The following GPATCH2 variants were observed in gnomAD, a reference collection of about 807,000 sequenced individuals.
The protein encoded by GPATCH2 is G-patch domain containing 2.
Under a neutral mutation model 58.0 loss-of-function variants are expected in GPATCH2, and 51 were observed. The observed-to-expected ratio is 0.88, with a 90% confidence interval of 0.70 to 1.11. GPATCH2 has a LOEUF of 1.11. Among genes scored for constraint, GPATCH2 ranks in the 50% most tolerant of loss-of-function variants. The pLI is 0.00. For synonymous variants in GPATCH2, 222 were observed against 218.5 expected (o/e 1.02, Z -0.14); for missense variants, 625 against 652.2 (o/e 0.96, Z 0.45).
chr1:217,545,864 A>C (rs557290028), intron 5 of GPATCH2, among the ~76,000 whole-genome samples: 2 of 152,358 alleles, frequency 1.3e-5, no homozygotes, highest in African/African-American at 4.8e-5. Context: ...ATTTGCTGAG[A>C]AAATGGATAA....
chr1:217,494,995 T>C (rs1011143246), intron 7 of GPATCH2: 1 of 234,250 alleles, frequency 4.3e-6, no homozygotes. Context: ...CTTGTGAATA[T>C]GGTGCGAAGT....
intron 1 of GPATCH2, among the ~76,000 whole-genome samples, chr1:217,626,657 T>C (rs542585812): frequency 6.6e-6 from 1 of 152,272 alleles, no homozygotes; most frequent in South Asian, 2.1e-4. Context: ...ATGGGAATAT[T>C]ATTCATCAAA....
chr1:217,615,755 A>G (rs1668855438), intron 2 of GPATCH2, among the ~76,000 whole-genome samples: 1 of 152,194 alleles, frequency 6.6e-6, no homozygotes. Flanking sequence ...TTCTTCAATT[A>G]AATGAATGAA....
At chr1:217,596,299 T>A (rs1667825439) in intron 5 of GPATCH2, among the ~76,000 whole-genome samples, 1 of 152,204 alleles carries the variant, frequency 6.6e-6, no homozygotes, top group African/African-American at 2.4e-5. Flanking sequence ...ATCCAATTTT[T>A]AAAAAATTAA....
At chr1:217,567,885 G>C (rs1405006030) in intron 5 of GPATCH2, among the ~76,000 whole-genome samples, 1 of 152,184 alleles carries the variant, frequency 6.6e-6, no homozygotes, top group Non-Finnish European at 1.5e-5. Flanking sequence ...GGGAGGCCAA[G>C]GTGGGCGGAT....
At position 217,428,827 on chromosome 1, in the gene GPATCH2, T is replaced by C. The variant is rs1658412750; in HGVS notation, c.*2318A>G. On this transcript the variant is annotated 3_prime_UTR_variant, in exon 10 of 10. Transcript: ENST00000366935. Reference sequence around the variant, plus strand: ...TCCCACAGAAGTTGCTTCAGAAGATTTGTACCTGTCCAGAACAGCAACAAT... The same window carrying C: ...TCCCACAGAAGTTGCTTCAGAAGATCTGTACCTGTCCAGAACAGCAACAAT... 1 of 152,180 alleles carries C rather than the reference T, an allele frequency of 6.6e-6. No individual in the cohort carries two copies. Among genetic ancestry groups the C allele is most frequent in the Non-Finnish European group, 1.5e-5 (1 of 68,024 alleles). The allele number at this position is 152,180 out of a possible 1,614,324, so 9.4% of individuals were successfully genotyped here.
intron 9 of GPATCH2, 81 bp from the exon 10 acceptor site, chr1:217,431,446 A>G (rs1214763930): frequency 1.2e-5 from 10 of 856,728 alleles, no homozygotes; most frequent in Non-Finnish European, 2.0e-5. Flanking sequence ...ATGTTCTCCT[A>G]AGTTTTGTTT....
At chr1:217,521,836 G>A (rs1663476554) in intron 5 of GPATCH2, among the ~76,000 whole-genome samples, 3 of 152,086 alleles carry the variant, frequency 2.0e-5, no homozygotes, top group Non-Finnish European at 4.4e-5. Context: ...GAAGTACAAG[G>A]CTTGTCTTTC....
At chr1:217,558,463 C>G (rs141723160) in intron 5 of GPATCH2, among the ~76,000 whole-genome samples, 152 of 152,258 alleles carry the variant, frequency 1.0e-3, no homozygotes, top group African/African-American at 3.4e-3. Context: ...TCTCACAAAG[C>G]CTTTATGTAG....
intron 8 of GPATCH2, among the ~76,000 whole-genome samples, chr1:217,459,212 GCTAAA>G (rs1209116391): frequency 6.6e-6 from 1 of 152,100 alleles, no homozygotes; most frequent in Non-Finnish European, 1.5e-5. Context: ...ATTCTTAGAT[GCTAAA>G]CTAAACAGAA....
chr1:217,485,782 G>T (rs939457016), intron 8 of GPATCH2, among the ~76,000 whole-genome samples: 1 of 152,122 alleles, frequency 6.6e-6, no homozygotes, highest in East Asian at 1.9e-4. Context: ...ATGGTGGTAA[G>T]TATTTGTGTA....
chr1:217,527,478 ATTT>A (rs5780985), intron 5 of GPATCH2, among the ~76,000 whole-genome samples: 19 of 138,882 alleles, frequency 1.4e-4, no homozygotes, highest in Non-Finnish European at 9.4e-5. Flanking sequence ...AATAACATCC[ATTT>A]TTTTTTTTTT....
intron 6 of GPATCH2, among the ~76,000 whole-genome samples, chr1:217,513,334 A>G (rs1662948585): frequency 6.6e-6 from 1 of 152,130 alleles, no homozygotes; most frequent in African/African-American, 2.4e-5. Context: ...ACAATTCTAT[A>G]GTCTATGCAT....
Position 217,436,499 on chromosome 1 carries a change from C to T in GPATCH2, c.1367-5134G>A, listed in dbSNP as rs554694533. 7.9e-5 allele frequency among the ~76,000 whole-genome samples: 12 copies of T among 152,254 alleles called. No homozygotes were observed. The South Asian group carries it at 2.5e-3, about 32-fold the overall frequency. ...ATTTCTTTACCTGATTCCCCTGATT[C>T]CCTATAAGAATTTTTAGCAGAGATG... is the stretch of plus-strand genomic sequence containing the variant. On this transcript the variant is annotated intron_variant, in intron 9 of 9. Coordinates refer to ENST00000366935, the MANE Select transcript of GPATCH2 (RefSeq NM_018040.5).
At chr1:217,613,032 T>C (rs1419674809) in intron 3 of GPATCH2, among the ~76,000 whole-genome samples, 1 of 152,106 alleles carries the variant, frequency 6.6e-6, no homozygotes. Flanking sequence ...TTTTTTACTT[T>C]TTTTCATTTC....
chr1:217,444,219 T>C (rs1659275445), intron 9 of GPATCH2, among the ~76,000 whole-genome samples: 2 of 152,368 alleles, frequency 1.3e-5, no homozygotes, highest in African/African-American at 4.8e-5. Context: ...TTGTTTCCAG[T>C]CTGCCCATTT....
intron 5 of GPATCH2, among the ~76,000 whole-genome samples, chr1:217,515,415 A>C (rs1323947475): frequency 6.6e-6 from 1 of 152,042 alleles, no homozygotes; most frequent in Non-Finnish European, 1.5e-5. Flanking sequence ...GATTTTTAAG[A>C]CTATTTTAAA....
chr1:217,444,283 TC>T (rs1466638857), intron 9 of GPATCH2, among the ~76,000 whole-genome samples: 1 of 152,160 alleles, frequency 6.6e-6, no homozygotes, highest in Admixed American at 6.5e-5. Flanking sequence ...TACGCTGGGA[TC>T]CCAGGCTTGA....
At chr1:217,576,410 C>T (rs1666805252) in intron 5 of GPATCH2, among the ~76,000 whole-genome samples, 1 of 152,070 alleles carries the variant, frequency 6.6e-6, no homozygotes, top group Non-Finnish European at 1.5e-5. Flanking sequence ...AAAGAAAATG[C>T]ATAAGTGTTT....
Sources: allele counts gnomAD v4.1 joint callset (sites outside exome capture counted in the v4.1 genomes callset), GRCh38; gene constraint gnomAD v4.1.1; transcripts MANE v1.5; gene names NCBI Gene and HGNC (gene_info 2026-07-23, HGNC 2026-07-21).